The following WDR72 variants were observed in gnomAD, a reference collection of about 807,000 sequenced individuals.
The protein encoded by WDR72 is WD repeat-containing protein 72.
Under a neutral mutation model 124.2 loss-of-function variants are expected in WDR72, and 120 were observed. That is an observed-to-expected ratio of 0.97 (90% CI 0.83 to 1.12). WDR72 has a LOEUF of 1.12. Among genes scored for constraint, WDR72 ranks in the 50% most tolerant of loss-of-function variants. The pLI is 0.00. For synonymous variants in WDR72, 452 were observed against 441.7 expected (o/e 1.02, Z -0.29); for missense variants, 1,387 against 1,278.8 (o/e 1.08, Z -1.29).
chr15:53,636,933 A>C (rs2014645402), intron 14 of WDR72, among the ~76,000 whole-genome samples: 1 of 152,176 alleles, frequency 6.6e-6, no homozygotes, highest in Admixed American at 6.5e-5. Context: ...TTTTTAGTGC[A>C]TTTACAGAGT....
At chr15:53,738,753 C>T (rs1362972943) in intron 1 of WDR72, among the ~76,000 whole-genome samples, 1 of 152,094 alleles carries the variant, frequency 6.6e-6, no homozygotes, top group Non-Finnish European at 1.5e-5. Flanking sequence ...ATTACAGGCA[C>T]CCACCACCAT....
At position 53,516,299 on chromosome 15, in the gene WDR72, TA is replaced by T. The variant is rs1426978345; in HGVS notation, c.*1399del. The T allele has an allele frequency of 6.6e-6, 1 of 152,158 alleles. No individual in the cohort carries two copies. The highest frequency in any genetic ancestry group is 1.5e-5 in the Non-Finnish European group (1 of 67,998). 9.4% of individuals were successfully genotyped at this position (152,158 alleles called of 1,614,324 possible). A position where few individuals can be genotyped will look rare whatever the true frequency, so the allele number is the denominator to read the frequency against. ...TTTGACATCTTTATCCTGGTATGTT[TA>T]TTCAGATCATCATTAATTATAAGTT... On this transcript the variant is annotated 3_prime_UTR_variant, in exon 20 of 20. Coordinates refer to ENST00000360509, the MANE Select transcript of WDR72 (RefSeq NM_182758.4).
intron 13 of WDR72, among the ~76,000 whole-genome samples, chr15:53,677,287 G>T (rs1297565736): frequency 6.6e-6 from 1 of 152,098 alleles, no homozygotes; most frequent in Non-Finnish European, 1.5e-5. Flanking sequence ...AAGTGTGATG[G>T]CTAGTTAGAC....
rs555610669 is a variant in WDR72, at chr15:53,716,920, T to C, written c.261-235A>G. Among the ~76,000 whole-genome samples the C allele has an allele frequency of 2.0e-5, 3 of 152,328 alleles. No homozygotes were observed. The South Asian group carries it at 6.2e-4, about 32-fold the overall frequency. ...TGCAAACCTTACTTTAGAGACAACC[T>C]GGCCTACAACAAATTGTGGGGATAC... On this transcript the variant is annotated intron_variant, in intron 3 of 19. Coordinates refer to ENST00000360509, the MANE Select transcript of WDR72 (RefSeq NM_182758.4).
chr15:53,656,824 T>C (rs754886857), intron 14 of WDR72, among the ~76,000 whole-genome samples: 2 of 152,068 alleles, frequency 1.3e-5, no homozygotes, highest in Non-Finnish European at 2.9e-5. Context: ...ACCAACAAGT[T>C]TGCTCAATAA....
intron 14 of WDR72, among the ~76,000 whole-genome samples, chr15:53,633,007 T>G (rs887625959): frequency 1.1e-4 from 16 of 152,190 alleles, no homozygotes; most frequent in Admixed American, 9.2e-4. Flanking sequence ...AAGTTAAGAC[T>G]TTGGGATACT....
intron 1 of WDR72, among the ~76,000 whole-genome samples, chr15:53,745,243 G>A (rs115784732): frequency 6.6e-6 from 1 of 152,054 alleles, no homozygotes; most frequent in African/African-American, 2.4e-5. Flanking sequence ...TTCATAATCA[G>A]CACTCAGCAT....
intron 3 of WDR72, among the ~76,000 whole-genome samples, chr15:53,717,897 G>GA (rs1348314121): frequency 6.6e-6 from 1 of 151,890 alleles, no homozygotes; most frequent in Non-Finnish European, 1.5e-5. Flanking sequence ...AAAATAGGAG[G>GA]AAAAAATCTC....
chr15:53,552,883 C>G (rs1035982410), intron 18 of WDR72, among the ~76,000 whole-genome samples: 1 of 152,034 alleles, frequency 6.6e-6, no homozygotes. Flanking sequence ...CAGGGGCCAT[C>G]GGCATGGAAA....
chr15:53,634,669 A>G (rs2014559355), intron 14 of WDR72, among the ~76,000 whole-genome samples: 5 of 152,198 alleles, frequency 3.3e-5, no homozygotes, highest in Admixed American at 3.3e-4. Flanking sequence ...CCTTTAGACA[A>G]TATTTAACCT....
At chr15:53,519,024 TTGTCA>T in intron 19 of WDR72, among the ~76,000 whole-genome samples, 1 of 152,224 alleles carries the variant, frequency 6.6e-6, no homozygotes, top group South Asian at 2.1e-4. Context: ...TAATTCTCTC[TTGTCA>T]CTATTATTTT....
At chr15:53,558,361 T>C (rs1159439875) in intron 18 of WDR72, among the ~76,000 whole-genome samples, 1 of 152,008 alleles carries the variant, frequency 6.6e-6, no homozygotes, top group African/African-American at 2.4e-5. Context: ...GCCAAACATA[T>C]TTACAACTGT....
intron 18 of WDR72, among the ~76,000 whole-genome samples, chr15:53,548,641 G>A (rs1893594320): frequency 6.7e-6 from 1 of 149,276 alleles, no homozygotes; most frequent in African/African-American, 2.5e-5. Flanking sequence ...GTCATGAACT[G>A]TGCTTTTTTT....
At chr15:53,600,084 G>A (rs1595785061) in intron 17 of WDR72, among the ~76,000 whole-genome samples, 2 of 152,236 alleles carry the variant, frequency 1.3e-5, no homozygotes, top group East Asian at 3.9e-4. Context: ...TGAGAGAAAG[G>A]CTGTATCTTC....
chr15:53,742,219 T>C (rs1178149928), intron 1 of WDR72, among the ~76,000 whole-genome samples: 1 of 152,184 alleles, frequency 6.6e-6, no homozygotes, highest in Non-Finnish European at 1.5e-5. Flanking sequence ...ATCAATAGGA[T>C]AGAAAGCAAA....
At chr15:53,718,234 C>T (rs28683649) in intron 3 of WDR72, among the ~76,000 whole-genome samples, 10,082 of 151,984 alleles carry the variant, frequency 0.066, 1,145 homozygotes, top group African/African-American at 0.23. Flanking sequence ...CCTGGTCAGT[C>T]GACTTGTTTC....
intron 18 of WDR72, among the ~76,000 whole-genome samples, chr15:53,556,687 A>G (rs909325584): frequency 1.3e-5 from 2 of 152,136 alleles, no homozygotes; most frequent in Non-Finnish European, 2.9e-5. Flanking sequence ...AAAATGCAAT[A>G]TCTTGAATGG....
upstream of WDR72, among the ~76,000 whole-genome samples, chr15:53,761,049 G>A (rs142311662): frequency 0.011 from 1,670 of 152,196 alleles, 28 homozygotes; most frequent in South Asian, 0.085. Context: ...ACTTGAACCC[G>A]AGAGGTGGAG....
At chr15:53,585,056 C>T (rs1056488996) in intron 18 of WDR72, among the ~76,000 whole-genome samples, 2 of 152,020 alleles carry the variant, frequency 1.3e-5, no homozygotes, top group East Asian at 3.9e-4. Context: ...AAAGTGCCTA[C>T]ATCCCCCACT....
Sources: allele counts gnomAD v4.1 joint callset (sites outside exome capture counted in the v4.1 genomes callset), GRCh38; gene constraint gnomAD v4.1.1; transcripts MANE v1.5; gene names NCBI Gene and HGNC (gene_info 2026-07-23, HGNC 2026-07-21).